Variants in PPP2R2A observed in about 807,000 individuals in gnomAD.
PPP2R2A encodes serine/threonine-protein phosphatase 2A 55 kDa regulatory subunit B alpha isoform.
A neutral mutation model predicts 53.2 loss-of-function variants in PPP2R2A; 9 were observed. The ratio of observed to expected loss-of-function variants is 0.17; its 90% CI spans 0.10 to 0.30. The LOEUF (loss-of-function observed/expected upper bound fraction) is 0.30. Ranked by LOEUF, PPP2R2A falls within the 10% of genes least tolerant of loss-of-function variation. The probability of loss-of-function intolerance (pLI) is 1.00; values close to 1 mark genes in which losing one functional copy is unlikely to be tolerated. For synonymous variants in PPP2R2A, 169 were observed against 174.2 expected (o/e 0.97, Z 0.23); for missense variants, 235 against 534.6 (o/e 0.44, Z 5.53).
At chr8:26,310,402 T>G (rs1329268176) in intron 2 of PPP2R2A, among the ~76,000 whole-genome samples, 1 of 150,596 alleles carries the variant, frequency 6.6e-6, no homozygotes, top group Non-Finnish European at 1.5e-5. Flanking sequence ...CATATAGTTC[T>G]TTTTCCACAG....
At chr8:26,316,803 T>C (rs1802578221) in intron 2 of PPP2R2A, among the ~76,000 whole-genome samples, 1 of 152,242 alleles carries the variant, frequency 6.6e-6, no homozygotes, top group Non-Finnish European at 1.5e-5. Flanking sequence ...CTAATCGCAT[T>C]CATGAGGGCT....
At chr8:26,302,875 A>G (rs1427935291) in intron 2 of PPP2R2A, among the ~76,000 whole-genome samples, 1 of 152,162 alleles carries the variant, frequency 6.6e-6, no homozygotes, top group Non-Finnish European at 1.5e-5. Flanking sequence ...TGTGAGGTTT[A>G]TTACTATTTT....
intron 4 of PPP2R2A, among the ~76,000 whole-genome samples, chr8:26,355,700 T>C (rs567800202): frequency 1.3e-5 from 2 of 151,854 alleles, no homozygotes; most frequent in African/African-American, 4.8e-5. Flanking sequence ...GTGTCTCTAC[T>C]AAAAATACAA....
Position 26,323,429 on chromosome 8 carries a change from A to C in PPP2R2A, c.83-15461A>C, listed in dbSNP as rs12541847. ...AAATAGCATCATATTCCCCAGGTTGAGGGGGCTCGGTCCCACAAGACTGCC... is the reference window on the plus strand; with the variant it reads ...AAATAGCATCATATTCCCCAGGTTGCGGGGGCTCGGTCCCACAAGACTGCC... On this transcript the variant is annotated intron_variant, in intron 2 of 9. Transcript: ENST00000380737. Among the ~76,000 whole-genome samples the C allele has an allele frequency of 3.4e-3, 512 of 152,294 alleles. 11 individuals carry two copies. Among genetic ancestry groups the C allele is most frequent in the Admixed American group, 0.029 (442 of 15,306 alleles).
At chr8:26,357,717 G>A (rs886904064) in intron 4 of PPP2R2A, among the ~76,000 whole-genome samples, 1 of 151,908 alleles carries the variant, frequency 6.6e-6, no homozygotes, top group Non-Finnish European at 1.5e-5. Flanking sequence ...CAAAGGAAAC[G>A]GCAGCGTGGT....
chr8:26,334,767 CA>C (rs942475939), intron 2 of PPP2R2A, among the ~76,000 whole-genome samples: 1 of 151,898 alleles, frequency 6.6e-6, no homozygotes, highest in African/African-American at 2.4e-5. Context: ...AAAACAAAAA[CA>C]AAAAAAGTCA....
chr8:26,325,505 T>A (rs1484865812), intron 2 of PPP2R2A, among the ~76,000 whole-genome samples: 2 of 152,182 alleles, frequency 1.3e-5, no homozygotes. Context: ...ACTAATACAG[T>A]TGTATTCCCT....
intron 2 of PPP2R2A, among the ~76,000 whole-genome samples, chr8:26,324,599 G>A (rs549779658): frequency 4.6e-5 from 7 of 152,292 alleles, no homozygotes; most frequent in African/African-American, 1.7e-4. Flanking sequence ...AGGGAAATGT[G>A]GGGTCGGAGC....
At position 26,370,583 on chromosome 8, in the gene PPP2R2A, C is replaced by A; in HGVS notation, c.*170C>A. The A allele has an allele frequency of 1.3e-6, 1 of 763,042 alleles. No individual in the cohort carries two copies. Among genetic ancestry groups the A allele is most frequent in the Non-Finnish European group, 2.1e-6 (1 of 484,544 alleles). 47.3% of individuals were successfully genotyped at this position (763,042 alleles called of 1,614,324 possible). On this transcript the variant is annotated 3_prime_UTR_variant, in exon 10 of 10. Transcript: ENST00000380737. This position sits in a 1 kb window ranked among gnomAD's most constrained non-coding sequence, Gnocchi z 6.1. The stretch of plus-strand genomic sequence containing the variant: ...CTACATGGAGAAAGCTCTGTGGATT[C>A]ATCACTGTGGTGTTCTCCATGTCTG...
At chr8:26,346,667 T>A (rs1308454290) in intron 3 of PPP2R2A, among the ~76,000 whole-genome samples, 1 of 152,250 alleles carries the variant, frequency 6.6e-6, no homozygotes, top group African/African-American at 2.4e-5. Flanking sequence ...CAAATATCTC[T>A]CTATAGCCTT....
chr8:26,294,019 T>C (rs1252181001), intron 2 of PPP2R2A, among the ~76,000 whole-genome samples: 1 of 152,242 alleles, frequency 6.6e-6, no homozygotes, highest in Non-Finnish European at 1.5e-5. Context: ...GAGCTCCATA[T>C]AAGGGTTTCT....
chr8:26,345,999 A>T (rs1404896047), intron 3 of PPP2R2A, among the ~76,000 whole-genome samples: 1 of 151,886 alleles, frequency 6.6e-6, no homozygotes, highest in Non-Finnish European at 1.5e-5. Flanking sequence ...GATTATTTAA[A>T]CATTCTTTTG....
intron 7 of PPP2R2A, chr8:26,363,227 AAAC>A (rs904190338): frequency 2.2e-4 from 34 of 157,874 alleles, no homozygotes; most frequent in Middle Eastern, 3.1e-3. Context: ...AAAAAAAAAA[AAAC>A]AACTTTGGTT....
At chr8:26,365,476 G>A (rs1352812982) in intron 8 of PPP2R2A, 2 of 152,094 alleles carry the variant, frequency 1.3e-5, no homozygotes. Flanking sequence ...ATAGAATAGA[G>A]AATTCTAAGC....
Position 26,362,829 on chromosome 8 carries a change from C to T in PPP2R2A, c.783C>T (p.Leu261=). Residue 261 remains leucine, a synonymous_variant, in exon 7 of 10, where the codon CTC becomes CTT. Transcript: ENST00000380737. This position sits in a 1 kb window ranked among gnomAD's most constrained non-coding sequence, Gnocchi z 4.4. ...TATGTGACATGAGGGCATCTGCCCT[C>T]TGTGATAGACATTCTAAATGTAAGT... The part of the protein sequence containing the change: ...IRLCDMRASA[L]CDRHSKLFEE... 6.2e-7 allele frequency: 1 copy of T among 1,612,998 alleles called. No individual in the cohort carries two copies. Among genetic ancestry groups the T allele is most frequent in the Non-Finnish European group, 8.5e-7 (1 of 1,179,482 alleles).
At chr8:26,347,136 C>A (rs1406050362) in intron 3 of PPP2R2A, among the ~76,000 whole-genome samples, 2 of 151,360 alleles carry the variant, frequency 1.3e-5, no homozygotes, top group African/African-American at 4.9e-5. Context: ...ATTTTATGAA[C>A]TTCAAAGGGA....
chr8:26,341,684 A>G (rs1803949953), intron 3 of PPP2R2A, among the ~76,000 whole-genome samples: 1 of 152,144 alleles, frequency 6.6e-6, no homozygotes, highest in Non-Finnish European at 1.5e-5. Flanking sequence ...TGAGGGTGCT[A>G]GCCTTGTTTG....
At chr8:26,318,934 T>C (rs756304940) in intron 2 of PPP2R2A, among the ~76,000 whole-genome samples, 13 of 152,222 alleles carry the variant, frequency 8.5e-5, no homozygotes, top group Admixed American at 1.3e-4. Flanking sequence ...AAATCTGTTG[T>C]GCAGCCATCG....
intron 2 of PPP2R2A, among the ~76,000 whole-genome samples, chr8:26,320,178 C>A (rs540575412): frequency 4.6e-5 from 7 of 152,268 alleles, no homozygotes; most frequent in African/African-American, 1.2e-4. Flanking sequence ...TTGGTTATAT[C>A]CTGTACAGCC....
Sources: allele counts gnomAD v4.1 joint callset (sites outside exome capture counted in the v4.1 genomes callset), GRCh38; gene constraint gnomAD v4.1.1; non-coding constraint Gnocchi (gnomAD v3.1); transcripts MANE v1.5; gene names NCBI Gene and HGNC (gene_info 2026-07-23, HGNC 2026-07-21).